Variants in MYO3B observed in about 807,000 individuals in gnomAD.
MYO3B encodes myosin-IIIb.
A neutral mutation model predicts 174.6 loss-of-function variants in MYO3B; 156 were observed. That is an observed-to-expected ratio of 0.89 (90% CI 0.78 to 1.02). The LOEUF (loss-of-function observed/expected upper bound fraction) is 1.02. Among genes scored for constraint, MYO3B ranks in the 50% least tolerant of loss-of-function variants. MYO3B has a pLI of 0.00. For missense variants in MYO3B, 1,632 were observed against 1,639.4 expected (o/e 1.00, Z 0.08); for synonymous variants, 563 against 569.1 (o/e 0.99, Z 0.15).
At chr2:170,422,528 G>T (rs924499894) in intron 22 of MYO3B, among the ~76,000 whole-genome samples, 1 of 149,652 alleles carries the variant, frequency 6.7e-6, no homozygotes. Context: ...GCTCGATCTC[G>T]GCTCACTGCA....
chr2:170,328,884 GC>G (rs1276749342), intron 7 of MYO3B, among the ~76,000 whole-genome samples: 1 of 152,056 alleles, frequency 6.6e-6, no homozygotes, highest in African/African-American at 2.4e-5. Flanking sequence ...AAAAATTAAG[GC>G]CGGGTGCGGT....
At chr2:170,222,991 C>T in intron 6 of MYO3B, among the ~76,000 whole-genome samples, 1 of 152,146 alleles carries the variant, frequency 6.6e-6, no homozygotes, top group Non-Finnish European at 1.5e-5. Flanking sequence ...CATAGACTGT[C>T]TGCACTCTCT....
intron 32 of MYO3B, among the ~76,000 whole-genome samples, chr2:170,626,583 T>C (rs1369313095): frequency 1.3e-5 from 2 of 152,224 alleles, no homozygotes; most frequent in Non-Finnish European, 2.9e-5. Context: ...AATTTGATCC[T>C]GTCATTATGA....
At chr2:170,322,494 A>T (rs1290233569) in intron 7 of MYO3B, among the ~76,000 whole-genome samples, 1 of 152,184 alleles carries the variant, frequency 6.6e-6, no homozygotes, top group Non-Finnish European at 1.5e-5. Flanking sequence ...GGCTCAGTGG[A>T]GACATGACCC....
intron 7 of MYO3B, among the ~76,000 whole-genome samples, chr2:170,283,326 C>T (rs1227697318): frequency 2.0e-5 from 3 of 152,198 alleles, no homozygotes; most frequent in Admixed American, 2.0e-4. Flanking sequence ...CCTATCAAGG[C>T]TCTCAGGGGA....
chr2:170,444,553 A>G (rs2094826402), intron 23 of MYO3B, among the ~76,000 whole-genome samples: 1 of 152,226 alleles, frequency 6.6e-6, no homozygotes, highest in Non-Finnish European at 1.5e-5. Context: ...GCCAACAGAG[A>G]AACACAGTTA....
intron 1 of MYO3B, among the ~76,000 whole-genome samples, chr2:170,193,527 T>C (rs371094174): frequency 6.6e-6 from 1 of 152,104 alleles, no homozygotes; most frequent in South Asian, 2.1e-4. Flanking sequence ...ACAACAGATA[T>C]TTACCTCTGT....
At chr2:170,633,451 G>C (rs1697195862) in intron 32 of MYO3B, among the ~76,000 whole-genome samples, 1 of 142,622 alleles carries the variant, frequency 7.0e-6, no homozygotes, top group African/African-American at 2.5e-5. Flanking sequence ...CAATAAACTA[G>C]GTATTCAAGG....
intron 25 of MYO3B, among the ~76,000 whole-genome samples, chr2:170,470,974 T>TTC (rs920278995): frequency 8.6e-5 from 13 of 151,824 alleles, no homozygotes; most frequent in Admixed American, 3.3e-4. Context: ...TGCAAATATT[T>TTC]TCTCTCTCTC....
chr2:170,317,340 A>G (rs2093783137), intron 7 of MYO3B, among the ~76,000 whole-genome samples: 1 of 152,214 alleles, frequency 6.6e-6, no homozygotes, highest in Non-Finnish European at 1.5e-5. Flanking sequence ...ACAGTTGCCT[A>G]GCGAACTTGT....
intron 32 of MYO3B, among the ~76,000 whole-genome samples, chr2:170,548,390 G>A (rs1369942385): frequency 6.6e-6 from 1 of 152,154 alleles, no homozygotes; most frequent in Non-Finnish European, 1.5e-5. Flanking sequence ...TAGATACAAT[G>A]AAGATTCTCA....
At chr2:170,543,750 G>T in intron 31 of MYO3B, 142 bp from the exon 32 acceptor site, 3 of 510,134 alleles carry the variant, frequency 5.9e-6, no homozygotes, top group Non-Finnish European at 1.0e-5. Flanking sequence ...TAAGATGGGA[G>T]CAACTTACAA....
At chr2:170,480,684 C>T (rs1207250664) in intron 25 of MYO3B, among the ~76,000 whole-genome samples, 1 of 152,140 alleles carries the variant, frequency 6.6e-6, no homozygotes, top group Admixed American at 6.5e-5. Context: ...TGGGATCTGA[C>T]ACTATCTCCA....
intron 22 of MYO3B, among the ~76,000 whole-genome samples, chr2:170,416,860 G>T (rs1210402768): frequency 7.4e-6 from 1 of 134,800 alleles, no homozygotes; most frequent in African/African-American, 2.8e-5. Context: ...GTCTCGCTCT[G>T]TTGCCCGGGC....
At chr2:170,499,909 C>CCCTTCCTTCTCCCCTCCCTCCCTCCCTT in intron 27 of MYO3B, 101 bp downstream of exon 27, 1 of 926,032 alleles carries the variant, frequency 1.1e-6, no homozygotes, top group Non-Finnish European at 1.6e-6. Context: ...TTCCCTCCCT[C>CCCTTCCTTCTCCCCTCCCTCCCTCCCTT]CCTTCCTTCT....
chr2:170,218,545 C>T (rs984025932), intron 6 of MYO3B, among the ~76,000 whole-genome samples: 1 of 152,196 alleles, frequency 6.6e-6, no homozygotes, highest in Non-Finnish European at 1.5e-5. Context: ...TTTCAGGACA[C>T]AATAGTATGG....
intron 30 of MYO3B, among the ~76,000 whole-genome samples, chr2:170,532,115 CTGT>C (rs1689390892): frequency 6.6e-6 from 1 of 152,116 alleles, no homozygotes; most frequent in South Asian, 2.1e-4. Context: ...CATGTGCCTC[CTGT>C]TATGATGTAT....
chr2:170,467,418 T>C (rs911980169), intron 25 of MYO3B, among the ~76,000 whole-genome samples: 2 of 152,122 alleles, frequency 1.3e-5, no homozygotes, highest in Admixed American at 1.3e-4. Flanking sequence ...ACCCAGAAAG[T>C]GCCTTTGCCT....
At chr2:170,279,357 G>C (rs10202682) in intron 7 of MYO3B, among the ~76,000 whole-genome samples, 67,610 of 151,816 alleles carry the variant, frequency 0.45, 16,824 homozygotes, top group African/African-American at 0.69. Context: ...TCTCATTGTG[G>C]TTTTGATTTG....
Sources: gnomAD v4.1 joint callset for allele counts (sites outside exome capture counted in the v4.1 genomes callset) on GRCh38, gnomAD v4.1.1 for gene constraint, MANE v1.5 for transcripts, NCBI Gene and HGNC (gene_info 2026-07-23, HGNC 2026-07-21) for gene names.